UBE2F: variants seen among roughly 807,000 people sequenced by gnomAD.
UBE2F encodes NEDD8-conjugating enzyme UBE2F.
A neutral mutation model predicts 29.6 loss-of-function variants in UBE2F; 5 were observed. The ratio of observed to expected loss-of-function variants is 0.17; its 90% CI spans 0.09 to 0.36. UBE2F has a LOEUF of 0.36. UBE2F is among the 10% of genes least tolerant of loss of function. The probability of loss-of-function intolerance (pLI) is 1.00; values close to 1 mark genes in which losing one functional copy is unlikely to be tolerated. For missense variants in UBE2F, 141 were observed against 228.5 expected (o/e 0.62, Z 2.47); for synonymous variants, 66 against 81.8 (o/e 0.81, Z 1.04).
intron 4 of UBE2F, among the ~76,000 whole-genome samples, chr2:238,009,112 A>C (rs901278857): frequency 2.0e-5 from 3 of 152,126 alleles, no homozygotes; most frequent in African/African-American, 7.2e-5. Flanking sequence ...TCTTTGTTCC[A>C]CTTTATGCGA....
intron 4 of UBE2F, among the ~76,000 whole-genome samples, chr2:238,016,205 T>TA (rs1301373480): frequency 6.6e-6 from 1 of 152,192 alleles, no homozygotes; most frequent in Admixed American, 6.5e-5. Flanking sequence ...AGTAAGCAGA[T>TA]AAAGAAGTCA....
chr2:237,980,429 G>A (rs2063357019), intron 2 of UBE2F, among the ~76,000 whole-genome samples: 1 of 152,210 alleles, frequency 6.6e-6, no homozygotes, highest in Admixed American at 6.5e-5. Context: ...GTCTTCACGT[G>A]GAGGAGAGAA....
rs116929172 is a variant in UBE2F, at chr2:238,038,634, T to C, written c.508-2654T>C. ...TTTCTTTGTATGAAACAAGATTTCA[T>C]ATTCCTGATTTGTATAAAATAGGAC... is the stretch of plus-strand genomic sequence containing the variant. On this transcript the variant is annotated intron_variant, in intron 9 of 9. Coordinates refer to ENST00000272930, the MANE Select transcript of UBE2F (RefSeq NM_080678.3). Among the ~76,000 whole-genome samples, 168 of 152,390 alleles carry C rather than the reference T, an allele frequency of 1.1e-3. 2 individuals carry two copies. In the East Asian group the frequency reaches 0.029, roughly 26 times the overall value.
At position 237,975,127 on chromosome 2, in the gene UBE2F, G is replaced by A. The variant is rs551985458; in HGVS notation, c.118+1902G>A. 1.3e-4 allele frequency among the ~76,000 whole-genome samples: 19 copies of A among 149,692 alleles called. No homozygotes were observed. The South Asian group carries it at 3.4e-3, about 27-fold the overall frequency. On this transcript the variant is annotated intron_variant, in intron 2 of 9. Transcript: ENST00000272930. ...AAAATTTTTTTTTTTTTTTGAGACAGACTCTTACTCTATCACCAGCCTGGA... is the reference window on the plus strand; with the variant it reads ...AAAATTTTTTTTTTTTTTTGAGACAAACTCTTACTCTATCACCAGCCTGGA...
intron 7 of UBE2F, among the ~76,000 whole-genome samples, chr2:238,031,598 C>T (rs972180556): frequency 6.6e-6 from 1 of 152,102 alleles, no homozygotes; most frequent in East Asian, 1.9e-4. Flanking sequence ...CTAAAAAGGA[C>T]GAAACTCTTG....
At chr2:237,971,479 C>T (rs531571652) in intron 1 of UBE2F, among the ~76,000 whole-genome samples, 5 of 152,206 alleles carry the variant, frequency 3.3e-5, no homozygotes, top group Admixed American at 6.5e-5. Flanking sequence ...TGGGCCACCA[C>T]GCCCGGCTAA....
chr2:237,973,388 C>T (rs1187509872), intron 2 of UBE2F, among the ~76,000 whole-genome samples, 163 bp downstream of exon 2: 4 of 152,166 alleles, frequency 2.6e-5, no homozygotes, highest in East Asian at 1.9e-4. Flanking sequence ...CATTGTACCA[C>T]GCAGGTGATA....
intron 4 of UBE2F, chr2:238,003,487 T>TC: frequency 2.2e-6 from 1 of 450,438 alleles, no homozygotes; most frequent in Admixed American, 2.4e-5. Context: ...TAAATGTAAC[T>TC]CCAAGTCAGA....
intron 5 of UBE2F, among the ~76,000 whole-genome samples, chr2:238,017,627 G>A (rs1001871328): frequency 6.6e-6 from 1 of 152,196 alleles, no homozygotes; most frequent in Non-Finnish European, 1.5e-5. Flanking sequence ...GGTGTGATGT[G>A]TCTCGGCCCA....
At chr2:237,997,723 C>T (rs1404698095) in intron 4 of UBE2F, among the ~76,000 whole-genome samples, 1 of 152,134 alleles carries the variant, frequency 6.6e-6, no homozygotes, top group African/African-American at 2.4e-5. Context: ...TTATCTGGCT[C>T]CTGTTCACAC....
At chr2:237,975,693 C>T (rs1285702193) in intron 2 of UBE2F, among the ~76,000 whole-genome samples, 1 of 152,128 alleles carries the variant, frequency 6.6e-6, no homozygotes, top group Non-Finnish European at 1.5e-5. Flanking sequence ...AGACAGAATG[C>T]AGTGGCATGA....
intron 4 of UBE2F, among the ~76,000 whole-genome samples, chr2:238,013,886 T>C (rs2064095693): frequency 6.6e-6 from 1 of 152,204 alleles, no homozygotes. Flanking sequence ...AAAACCTAGT[T>C]GTCTGAGAAA....
chr2:238,026,901 A>G (rs1047580966), intron 6 of UBE2F, among the ~76,000 whole-genome samples: 1 of 152,238 alleles, frequency 6.6e-6, no homozygotes, highest in Non-Finnish European at 1.5e-5. Flanking sequence ...TCTGTCCTTT[A>G]CGTATTGAAA....
rs181532395 is a variant in UBE2F at position 238,015,496 on chromosome 2, T to C, written c.215-1070T>C. On this transcript the variant is annotated intron_variant, in intron 4 of 9. Transcript: ENST00000272930. ...GAACTGGTATTTCTCTTCTATCAAATTGGCAAAGAAAAAAAATGTTAGGGT... is the reference window on the plus strand; with the variant it reads ...GAACTGGTATTTCTCTTCTATCAAACTGGCAAAGAAAAAAAATGTTAGGGT... 2.2e-3 allele frequency among the ~76,000 whole-genome samples: 341 copies of C among 152,162 alleles called. 2 individuals are homozygous for C. The highest frequency in any genetic ancestry group is 7.9e-3 in the African/African-American group (326 of 41,518).
At chr2:237,990,773 A>G (rs1284607650) in intron 3 of UBE2F, among the ~76,000 whole-genome samples, 1 of 150,530 alleles carries the variant, frequency 6.6e-6, no homozygotes, top group South Asian at 2.1e-4. Context: ...AAAAAAAATA[A>G]TAATAAAATT....
At chr2:238,006,514 G>A (rs1052565187) in intron 4 of UBE2F, among the ~76,000 whole-genome samples, 2 of 152,124 alleles carry the variant, frequency 1.3e-5, no homozygotes, top group African/African-American at 4.8e-5. Flanking sequence ...TTTTTGTATA[G>A]TGACCTTGTG....
At chr2:237,997,752 T>C (rs947435591) in intron 4 of UBE2F, among the ~76,000 whole-genome samples, 1 of 152,216 alleles carries the variant, frequency 6.6e-6, no homozygotes, top group Non-Finnish European at 1.5e-5. Context: ...ATTTTGATAG[T>C]TTTGTTTGCT....
In UBE2F at chr2:238,041,278, T is replaced by C. The variant is rs1198718410; in HGVS notation, c.508-10T>C. The stretch of plus-strand genomic sequence containing the variant: ...TTCTTCTTTCTGTCCCCAATGCTGT[T>C]ACTCCACAGGAGGACTTCCGGAATA... On this transcript the variant is annotated splice_polypyrimidine_tract_variant and intron_variant, in intron 9 of 9. Transcript: ENST00000272930. The C allele has an allele frequency of 6.2e-7, 1 of 1,613,480 alleles. No individual in the cohort carries two copies. The highest frequency in any genetic ancestry group is 8.5e-7 in the Non-Finnish European group (1 of 1,179,566).
At chr2:237,970,829 T>G (rs2063162268) in intron 1 of UBE2F, among the ~76,000 whole-genome samples, 1 of 152,184 alleles carries the variant, frequency 6.6e-6, no homozygotes, top group African/African-American at 2.4e-5. Context: ...TGCCTCAGCC[T>G]CCTGAGTAGC....
Sources: allele counts gnomAD v4.1 joint callset (sites outside exome capture counted in the v4.1 genomes callset), GRCh38; gene constraint gnomAD v4.1.1; transcripts MANE v1.5; gene names NCBI Gene and HGNC (gene_info 2026-07-23, HGNC 2026-07-21).